ST6GALNAC5: variants seen among roughly 807,000 people sequenced by gnomAD.
ST6GALNAC5 encodes the protein ST6 N-acetylgalactosaminide alpha-2,6-sialyltransferase 5.
In ST6GALNAC5, 27 loss-of-function variants were observed where a neutral mutation model predicts 33.6. That is an observed-to-expected ratio of 0.80 (90% CI 0.59 to 1.11). The LOEUF (loss-of-function observed/expected upper bound fraction) is 1.11, where lower values mean the gene tolerates loss of function less well. Among genes scored for constraint, ST6GALNAC5 ranks in the 50% least tolerant of loss-of-function variants. ST6GALNAC5 has a pLI of 0.00. For synonymous variants in ST6GALNAC5, 194 were observed against 171.2 expected, an observed-to-expected ratio of 1.13 and a Z score of -1.04; for missense variants, 428 against 454.0, an observed-to-expected ratio of 0.94 and a Z score of 0.52.
At chr1:77,060,051 C>A (rs1261942742) in intron 4 of ST6GALNAC5, 1 of 152,146 alleles carries the variant, frequency 6.6e-6, no homozygotes, top group Non-Finnish European at 1.5e-5. Flanking sequence ...CCTTAAAGCT[C>A]CCCAACCGCA....
chr1:76,955,550 G>A (rs1401174901), intron 2 of ST6GALNAC5, among the ~76,000 whole-genome samples: 2 of 152,104 alleles, frequency 1.3e-5, no homozygotes, highest in Non-Finnish European at 2.9e-5. Context: ...GACTTAGGGA[G>A]CTAGAATCCT....
intron 2 of ST6GALNAC5, among the ~76,000 whole-genome samples, chr1:76,899,959 A>G (rs142577708): frequency 0.018 from 2,756 of 152,326 alleles, 84 homozygotes; most frequent in African/African-American, 0.062. Flanking sequence ...CCCCCGATCC[A>G]AGTCACGGCA....
At chr1:76,914,856 T>G (rs1646952773) in intron 2 of ST6GALNAC5, among the ~76,000 whole-genome samples, 1 of 152,094 alleles carries the variant, frequency 6.6e-6, no homozygotes, top group Non-Finnish European at 1.5e-5. Context: ...CTAATTAAAC[T>G]CAAGAACTTC....
chr1:76,959,347 G>A (rs1231180789), intron 2 of ST6GALNAC5, among the ~76,000 whole-genome samples: 1 of 152,152 alleles, frequency 6.6e-6, no homozygotes, highest in Admixed American at 6.5e-5. Context: ...TAGTATAATT[G>A]TATCTATCTT....
intron 2 of ST6GALNAC5, among the ~76,000 whole-genome samples, chr1:76,945,007 G>A (rs748970067): frequency 2.0e-5 from 3 of 152,074 alleles, no homozygotes; most frequent in African/African-American, 7.2e-5. Context: ...GCTGGAGCCT[G>A]GCCCAAAGAA....
At chr1:77,035,202 G>A (rs1390918986) in intron 2 of ST6GALNAC5, among the ~76,000 whole-genome samples, 1 of 152,160 alleles carries the variant, frequency 6.6e-6, no homozygotes, top group Non-Finnish European at 1.5e-5. Flanking sequence ...TGTGAGAATT[G>A]CTGGCCTAGA....
At chr1:76,953,403 T>G (rs1388103020) in intron 2 of ST6GALNAC5, among the ~76,000 whole-genome samples, 3 of 152,162 alleles carry the variant, frequency 2.0e-5, no homozygotes, top group Non-Finnish European at 4.4e-5. Flanking sequence ...CATTGTGGTT[T>G]TAATTTGCAT....
At chr1:76,966,812 GT>G (rs1648509674) in intron 2 of ST6GALNAC5, among the ~76,000 whole-genome samples, 1 of 152,194 alleles carries the variant, frequency 6.6e-6, no homozygotes, top group Admixed American at 6.5e-5. Flanking sequence ...CATGAAGGCT[GT>G]TGAATTTTAT....
chr1:76,919,381 T>C (rs1647008803), intron 2 of ST6GALNAC5, among the ~76,000 whole-genome samples: 1 of 152,138 alleles, frequency 6.6e-6, no homozygotes, highest in Non-Finnish European at 1.5e-5. Context: ...CTTCACACTG[T>C]TCTTGCTCCT....
In ST6GALNAC5 at chr1:76,868,039, A is replaced by AG. The variant is rs1188521128; in HGVS notation, c.15+355dup. 6.6e-6 allele frequency among the ~76,000 whole-genome samples: 1 copy of AG among 152,086 alleles called. No homozygotes were observed. The highest frequency in any genetic ancestry group is 1.5e-5 in the Non-Finnish European group (1 of 68,002). ...CTGCCAAAAACTAAGAGGGACGGGGAGGGGGGACCTTTGCAGACTTTCTTC... is the reference window on the plus strand; with the variant it reads ...CTGCCAAAAACTAAGAGGGACGGGGAGGGGGGGACCTTTGCAGACTTTCTTC... On this transcript the variant is annotated intron_variant, in intron 1 of 4. Coordinates refer to ENST00000477717, the MANE Select transcript of ST6GALNAC5 (RefSeq NM_030965.3). The surrounding 1 kb of genome is among the most constrained non-coding windows in gnomAD (Gnocchi z 4.3).
chr1:77,021,107 A>G (rs914064189), intron 2 of ST6GALNAC5, among the ~76,000 whole-genome samples: 3 of 152,240 alleles, frequency 2.0e-5, no homozygotes, highest in African/African-American at 7.2e-5. Flanking sequence ...GGCAAGTGAA[A>G]CTAGATTCTA....
At chr1:76,915,861 AG>A (rs1646967126) in intron 2 of ST6GALNAC5, among the ~76,000 whole-genome samples, 1 of 149,800 alleles carries the variant, frequency 6.7e-6, no homozygotes, top group Non-Finnish European at 1.5e-5. Context: ...AATTAAAAAA[AG>A]AATGAAAAAT....
chr1:76,980,204 A>G (rs1649194208), intron 2 of ST6GALNAC5, among the ~76,000 whole-genome samples: 2 of 152,272 alleles, frequency 1.3e-5, no homozygotes, highest in East Asian at 1.9e-4. Context: ...GTTTTGACCT[A>G]CATACTGTGG....
intron 2 of ST6GALNAC5, among the ~76,000 whole-genome samples, chr1:76,909,890 T>C (rs953836641): frequency 5.9e-5 from 9 of 152,086 alleles, no homozygotes; most frequent in African/African-American, 1.9e-4. Context: ...GAGTTGTCTA[T>C]AGTGTGCTTG....
intron 2 of ST6GALNAC5, among the ~76,000 whole-genome samples, chr1:76,970,941 TAAG>T (rs1368229434): frequency 6.6e-6 from 1 of 152,172 alleles, no homozygotes; most frequent in Non-Finnish European, 1.5e-5. Context: ...CATATGTAAA[TAAG>T]AAAATATTTT....
intron 2 of ST6GALNAC5, among the ~76,000 whole-genome samples, chr1:77,035,960 G>A (rs1651630609): frequency 6.6e-6 from 1 of 152,156 alleles, no homozygotes; most frequent in African/African-American, 2.4e-5. Flanking sequence ...GTATGTGAAT[G>A]TTTATAATAC....
intron 2 of ST6GALNAC5, among the ~76,000 whole-genome samples, chr1:76,933,305 A>G (rs773577755): frequency 5.9e-5 from 9 of 152,038 alleles, no homozygotes; most frequent in Non-Finnish European, 1.2e-4. Flanking sequence ...TAGTATAGTG[A>G]TCAAATACCT....
chr1:77,064,054 A>G lies in ST6GALNAC5; in HGVS notation c.*848A>G, dbSNP rs1652693433. 2 of 152,354 alleles carry G rather than the reference A, an allele frequency of 1.3e-5. No homozygotes were observed. The highest frequency in any genetic ancestry group is 4.8e-5 in the African/African-American group (2 of 41,462). 9.4% of individuals were successfully genotyped at this position (152,354 alleles called of 1,614,324 possible). A position where few individuals can be genotyped will look rare whatever the true frequency, so the allele number is the denominator to read the frequency against. The stretch of plus-strand genomic sequence containing the variant: ...GTTATTAAAACAAAAAAATGCTAAC[A>G]AGAGAAATTTAAAGGTAGTTTTCTT... On this transcript the variant is annotated 3_prime_UTR_variant, in exon 5 of 5. Transcript: ENST00000477717.
intron 2 of ST6GALNAC5, among the ~76,000 whole-genome samples, chr1:76,894,818 C>T (rs192362530): frequency 2.6e-5 from 4 of 152,178 alleles, no homozygotes; most frequent in Admixed American, 6.5e-5. Flanking sequence ...CAATTTCACT[C>T]GCGTCCATGT....
Sources: allele counts gnomAD v4.1 joint callset (sites outside exome capture counted in the v4.1 genomes callset), GRCh38; gene constraint gnomAD v4.1.1; non-coding constraint Gnocchi (gnomAD v3.1); transcripts MANE v1.5; gene names NCBI Gene and HGNC (gene_info 2026-07-23, HGNC 2026-07-21).